Variants in MIIP observed in about 807,000 individuals in gnomAD.
MIIP encodes migration and invasion inhibitory protein.
A neutral mutation model predicts 44.8 loss-of-function variants in MIIP; 44 were observed. That is an observed-to-expected ratio of 0.98 (90% confidence interval 0.77 to 1.26). The LOEUF (loss-of-function observed/expected upper bound fraction) is 1.26, where lower values mean the gene tolerates loss of function less well. Ranked by LOEUF, MIIP falls within the 50% of genes most tolerant of loss-of-function variation. The probability of loss-of-function intolerance (pLI) is 0.00; values close to 1 mark genes in which losing one functional copy is unlikely to be tolerated. For synonymous variants in MIIP, 225 were observed against 218.3 expected, an observed-to-expected ratio of 1.03 and a Z score of -0.27; for missense variants, 496 against 511.7, an observed-to-expected ratio of 0.97 and a Z score of 0.30.
rs535818699 is a variant in MIIP, at chr1:12,028,823, G to A, written c.548-210G>A. On this transcript the variant is annotated intron_variant, in intron 4 of 9. Coordinates refer to ENST00000235332, the MANE Select transcript of MIIP (RefSeq NM_021933.4). Reference sequence around the variant, plus strand: ...CTCTGTCGATATTTTTTCCATGGATGGTTGGCTATGCATCAGGGTAGACAG... The same window carrying A: ...CTCTGTCGATATTTTTTCCATGGATAGTTGGCTATGCATCAGGGTAGACAG... The A allele has an allele frequency of 2.6e-5, 15 of 578,808 alleles. No homozygotes were observed. In the African/African-American group the frequency reaches 2.8e-4, roughly 11 times the overall value. The allele number at this position is 578,808 out of a possible 1,614,324, so 35.9% of individuals were successfully genotyped here. A position where few individuals can be genotyped will look rare whatever the true frequency, so the allele number is the denominator to read the frequency against.
chr1:12,031,511 A>G, intron 9 of MIIP, 108 bp downstream of exon 9: 5 of 1,559,642 alleles, frequency 3.2e-6, no homozygotes. Context: ...TGAGGTGGGG[A>G]GGATGGAGCC....
At position 12,031,830 on chromosome 1, in the gene MIIP, C is replaced by T. The variant is rs372669456; in HGVS notation, c.*22C>T. ...CTGAGGACTGACTCCTGGGGGAGAA[C>T]AGCATTCCCGCCGCCTCCAGCCTCT... On this transcript the variant is annotated 3_prime_UTR_variant, in exon 10 of 10. Coordinates refer to ENST00000235332, the MANE Select transcript of MIIP (RefSeq NM_021933.4). 1.2e-6 allele frequency: 2 copies of T among 1,607,814 alleles called. No individual in the cohort carries two copies. The highest frequency in any genetic ancestry group is 1.7e-6 in the Non-Finnish European group (2 of 1,175,064).
intron 4 of MIIP, chr1:12,028,649 T>TAG: frequency 1.1e-5 from 2 of 178,728 alleles, no homozygotes; most frequent in South Asian, 1.3e-4. Flanking sequence ...TTCTGGCAGG[T>TAG]ATCAGCATTC....
In MIIP at chr1:12,031,269, T is replaced by C; in HGVS notation, c.946T>C (p.Cys316Arg). The change falls in exon 9 of 10, where the codon TGC becomes CGC. Residue 316 changes from cysteine to arginine, a missense_variant. Physicochemically the swap from Cys to Arg is radical, Grantham distance 180 (BLOSUM62 -3). Transcript: ENST00000235332. ...TTTAACTCCTTGCCTTCCACAGCAC[T>C]GCCTGCTGGGCTGGGACATTTTTCC... ...ASDTLALPRH[C>R]LLGWDIFPPK... The C allele has an allele frequency of 2.5e-6, 4 of 1,613,554 alleles. No individual in the cohort carries two copies. The highest frequency in any genetic ancestry group is 3.4e-6 in the Non-Finnish European group (4 of 1,179,720).
intron 1 of MIIP, among the ~76,000 whole-genome samples, chr1:12,020,028 G>A (rs903372981): frequency 6.6e-6 from 1 of 152,244 alleles, no homozygotes; most frequent in South Asian, 2.1e-4. Flanking sequence ...CTGTGCTCCA[G>A]ACCTTGCACC....
rs1378735329 is a variant in MIIP at position 12,029,137 on chromosome 1, C to A, written c.652C>A (p.Pro218Thr). 1 of 1,614,046 alleles carries A rather than the reference C, an allele frequency of 6.2e-7. No homozygotes were observed. Among genetic ancestry groups the A allele is most frequent in the South Asian group, 1.1e-5 (1 of 91,086 alleles). Reference sequence around the variant, plus strand: ...CAAGGAGGAGTGTATCTGCAGCCATCCTGAGTGAGCAGGGGCGGGCGAGGG... The same window carrying A: ...CAAGGAGGAGTGTATCTGCAGCCATACTGAGTGAGCAGGGGCGGGCGAGGG... ...TNKEECICSH[P>T]EPQLPGLRES... is the part of the protein sequence containing the mutation. The change falls in exon 5 of 10, where the codon CCT becomes ACT. Residue 218 changes from proline to threonine, a missense_variant. Physicochemically the swap from Pro to Thr is conservative, Grantham distance 38. Coordinates refer to ENST00000235332, the MANE Select transcript of MIIP (RefSeq NM_021933.4).
rs570629830 is a variant in MIIP at position 12,027,626 on chromosome 1, CTA to C, written c.548-1405_548-1404del. 3.9e-3 allele frequency among the ~76,000 whole-genome samples: 590 copies of C among 152,298 alleles called. 12 individuals carry two copies. The highest frequency in any genetic ancestry group is 1.1e-3 in the Non-Finnish European group (73 of 68,026). ...CTGACTCCTCCTCTCTATCTTCCCT[CTA>C]TGATCTCCCAAACGCTGAGGTGTTT... On this transcript the variant is annotated intron_variant, in intron 4 of 9. Coordinates refer to ENST00000235332, the MANE Select transcript of MIIP (RefSeq NM_021933.4).
intron 4 of MIIP, among the ~76,000 whole-genome samples, chr1:12,027,715 C>T (rs756382618): frequency 9.9e-5 from 15 of 152,166 alleles, no homozygotes; most frequent in Admixed American, 2.6e-4. Context: ...GAATTCCAGA[C>T]TTGTATATCC....
chr1:12,025,882 G>C (rs1640095084), intron 4 of MIIP, among the ~76,000 whole-genome samples: 1 of 151,888 alleles, frequency 6.6e-6, no homozygotes, highest in Non-Finnish European at 1.5e-5. Context: ...ATTTTTAGTA[G>C]AGACGGGGTT....
chr1:12,028,544 C>T (rs1306248386), intron 4 of MIIP, among the ~76,000 whole-genome samples: 1 of 152,188 alleles, frequency 6.6e-6, no homozygotes, highest in African/African-American at 2.4e-5. Flanking sequence ...GTCTCTGTGG[C>T]TTCTCCATGT....
chr1:12,027,735 C>T (rs538242929), intron 4 of MIIP, among the ~76,000 whole-genome samples: 2 of 152,346 alleles, frequency 1.3e-5, no homozygotes, highest in Admixed American at 1.3e-4. Flanking sequence ...CCACTGTCTT[C>T]TCCACATCAC....
chr1:12,030,136 C>CGTGGGGCTGGATGGTGATGAGG lies in MIIP; in HGVS notation c.942+14_942+35dup, dbSNP rs1553149404. The CGTGGGGCTGGATGGTGATGAGG allele has an allele frequency of 2.5e-6, 4 of 1,611,232 alleles. No individual in the cohort carries two copies. Among genetic ancestry groups the CGTGGGGCTGGATGGTGATGAGG allele is most frequent in the Non-Finnish European group, 3.4e-6 (4 of 1,179,224 alleles). ...TGGCCCTGCCCCGGGTGAGCAGCCA[C>CGTGGGGCTGGATGGTGATGAGG]GTGGGGCTGGATGGTGATGAGGGCG... On this transcript the variant is annotated intron_variant, in intron 8 of 9. Coordinates refer to ENST00000235332, the MANE Select transcript of MIIP (RefSeq NM_021933.4).
At chr1:12,030,555 G>GCT (rs1640218623) in intron 8 of MIIP, among the ~76,000 whole-genome samples, 1 of 91,802 alleles carries the variant, frequency 1.1e-5, no homozygotes, top group East Asian at 3.2e-4. Context: ...TGCTGCTGCT[G>GCT]CTTTTTTTTT....
At chr1:12,031,156 G>A in intron 8 of MIIP, 110 bp from the exon 9 acceptor site, 6 of 1,362,182 alleles carry the variant, frequency 4.4e-6, no homozygotes, top group Non-Finnish European at 5.9e-6. Flanking sequence ...CCCTGCCTTG[G>A]TGGGGGCCTC....
Position 12,031,306 on chromosome 1 carries a change from A to G in MIIP, c.983A>G (p.Glu328Gly). Residue 328 changes from glutamate (E) to glycine (G), a missense_variant, in exon 9 of 10, where the codon GAG (glutamate) becomes GGG (glycine). Physicochemically the swap from Glu to Gly is moderately conservative, Grantham distance 98. Transcript: ENST00000235332. ...LGWDIFPPKSEKSSAPRNLDL... is the reference protein window; with the variant it reads ...LGWDIFPPKSGKSSAPRNLDL... ...TGGGACATTTTTCCTCCGAAGTCTG[A>G]GAAAAGCTCAGCCCCCAGGAACCTG... The G allele has an allele frequency of 6.2e-7, 1 of 1,613,936 alleles. No individual in the cohort carries two copies. Among genetic ancestry groups the G allele is most frequent in the East Asian group, 2.2e-5 (1 of 44,884 alleles).
chr1:12,023,677 T>C (rs1439796366), intron 4 of MIIP, among the ~76,000 whole-genome samples: 4 of 124,284 alleles, frequency 3.2e-5, no homozygotes, highest in Admixed American at 8.1e-5. Flanking sequence ...CATGCCCGGC[T>C]TTTTTTTTTT....
At chr1:12,029,407 T>A in intron 6 of MIIP, 126 bp downstream of exon 6, 1 of 1,086,118 alleles carries the variant, frequency 9.2e-7, no homozygotes, top group East Asian at 2.6e-5. Context: ...TTGAGACTCA[T>A]GGAGGGAGGC....
chr1:12,028,613 C>G (rs941436973), intron 4 of MIIP: 1 of 176,354 alleles, frequency 5.7e-6, no homozygotes, highest in African/African-American at 2.4e-5. Context: ...CCCGGCCATA[C>G]TAGGCTCTGA....
chr1:12,029,985 G>A (rs774443697), intron 7 of MIIP, 43 bp from the exon 8 acceptor site: 20 of 1,609,446 alleles, frequency 1.2e-5, no homozygotes, highest in South Asian at 2.2e-5. Context: ...GCCCCCAACC[G>A]CTGGGAGGCT....
Sources: gnomAD v4.1 joint callset for allele counts (sites outside exome capture counted in the v4.1 genomes callset) on GRCh38, gnomAD v4.1.1 for gene constraint, MANE v1.5 for transcripts, NCBI Gene and HGNC (gene_info 2026-07-23, HGNC 2026-07-21) for gene names.